The following PIGN variants were observed in gnomAD, a reference collection of about 807,000 sequenced individuals.
PIGN encodes the protein phosphatidylinositol glycan anchor biosynthesis class N.
PIGN carries 117 observed loss-of-function variants against 125.4 expected under a neutral mutation model. That is an observed-to-expected ratio of 0.93 (90% CI 0.80 to 1.09). PIGN has a LOEUF of 1.09. Among genes scored for constraint, PIGN ranks in the 50% least tolerant of loss-of-function variants. PIGN has a pLI of 0.00. For synonymous variants in PIGN, 392 were observed against 377.8 expected (o/e 1.04, Z -0.44); for missense variants, 1,075 against 1,094.9 (o/e 0.98, Z 0.26).
At chr18:62,153,397 G>A (rs1428158204) in intron 7 of PIGN, 1 of 152,118 alleles carries the variant, frequency 6.6e-6, no homozygotes, top group East Asian at 1.9e-4. Context: ...AAGACTAGTA[G>A]TGTTGAAATA....
intron 1 of PIGN, among the ~76,000 whole-genome samples, chr18:62,165,437 A>G (rs946496112): frequency 6.6e-6 from 1 of 152,240 alleles, no homozygotes; most frequent in African/African-American, 2.4e-5. Flanking sequence ...GTAAAGAGGT[A>G]AAAAATGACT....
At chr18:62,090,980 C>A (rs888404334) in intron 23 of PIGN, among the ~76,000 whole-genome samples, 3 of 151,970 alleles carry the variant, frequency 2.0e-5, no homozygotes, top group Non-Finnish European at 4.4e-5. Context: ...AACACAAACA[C>A]GAAAATTATG....
intron 6 of PIGN, among the ~76,000 whole-genome samples, chr18:62,156,308 A>G (rs1047922004): frequency 2.6e-5 from 4 of 152,288 alleles, no homozygotes; most frequent in African/African-American, 9.6e-5. Flanking sequence ...TTAAAACAGG[A>G]ATTATAACTA....
intron 23 of PIGN, among the ~76,000 whole-genome samples, chr18:62,031,702 AT>A (rs1032879166): frequency 2.0e-5 from 3 of 151,630 alleles, no homozygotes; most frequent in East Asian, 1.9e-4. Flanking sequence ...CTTTGGGACC[AT>A]TTTTTTTCTT....
At chr18:62,184,608 C>T (rs1247262275) in intron 1 of PIGN, 1 of 152,112 alleles carries the variant, frequency 6.6e-6, no homozygotes, top group Non-Finnish European at 1.5e-5. Context: ...GAAATAGAAG[C>T]AGAAAACCAC....
intron 7 of PIGN, among the ~76,000 whole-genome samples, chr18:62,151,634 T>G (rs2036539248): frequency 6.6e-6 from 1 of 152,194 alleles, no homozygotes; most frequent in Non-Finnish European, 1.5e-5. Flanking sequence ...ACACTGCACT[T>G]GACCTCGCTG....
chr18:62,063,153 A>G (rs1599428694), intron 30 of PIGN, among the ~76,000 whole-genome samples: 1 of 151,600 alleles, frequency 6.6e-6, no homozygotes, highest in South Asian at 2.1e-4. Context: ...AAAATGGACC[A>G]TATCAAAATA....
intron 14 of PIGN, among the ~76,000 whole-genome samples, chr18:62,131,785 C>T (rs2035749116): frequency 6.6e-6 from 1 of 151,878 alleles, no homozygotes; most frequent in Admixed American, 6.6e-5. Context: ...ATTTCATTAC[C>T]CTAGGAATTA....
intron 25 of PIGN, among the ~76,000 whole-genome samples, chr18:62,087,155 A>G (rs10503058): frequency 0.17 from 25,728 of 152,196 alleles, 2,934 homozygotes; most frequent in Middle Eastern, 0.28. Flanking sequence ...GGCACAATAA[A>G]AGAAGGTTAA....
At chr18:62,130,457 G>A (rs903481164) in intron 14 of PIGN, among the ~76,000 whole-genome samples, 1 of 151,844 alleles carries the variant, frequency 6.6e-6, no homozygotes, top group Non-Finnish European at 1.5e-5. Flanking sequence ...AATTTGTGAG[G>A]AAAAATTTCC....
intron 30 of PIGN, among the ~76,000 whole-genome samples, chr18:62,047,552 A>G (rs1383232655): frequency 1.3e-5 from 2 of 152,150 alleles, no homozygotes; most frequent in African/African-American, 4.8e-5. Context: ...GCAGTAGTGG[A>G]GGCCTTGCAG....
In PIGN at chr18:62,095,881, G is replaced by C. The variant is rs1173098029; in HGVS notation, c.2147C>G (p.Ser716Ter). The C allele has an allele frequency of 6.2e-7, 1 of 1,612,408 alleles. No individual in the cohort carries two copies. The highest frequency in any genetic ancestry group is 2.2e-5 in the East Asian group (1 of 44,830). Residue 716 changes from serine (S) to a stop codon, truncating the protein, a stop_gained, in exon 23 of 31, where the codon TCA (serine) becomes TGA (stop). Coordinates refer to ENST00000640252, the MANE Select transcript of PIGN (RefSeq NM_176787.5). LOFTEE classifies it high-confidence loss of function. Reference sequence around the variant, plus strand: ...TAGAAGTAGGTAGGTTGACATCAATGAAAGAAGTATGCTGAACAATCGCTG... The same window carrying C: ...TAGAAGTAGGTAGGTTGACATCAATCAAAGAAGTATGCTGAACAATCGCTG... Reference protein sequence around the residue: ...LFQRLFSILLSLMSTYLLLST... With the variant: ...LFQRLFSILL
In PIGN at chr18:62,147,102, C is replaced by A. The variant is rs766732875; in HGVS notation, c.675-1G>T. ...TTTTTTAATATTGTGCTTGTAGTCT[C>A]TATTTGTAAAGAAACAGAGGAACAA... On this transcript the variant is annotated splice_acceptor_variant, in intron 8 of 30. Transcript: ENST00000640252. LOFTEE classifies it high-confidence loss of function. The A allele has an allele frequency of 6.3e-7, 1 of 1,592,622 alleles. No homozygotes were observed. Among genetic ancestry groups the A allele is most frequent in the South Asian group, 1.1e-5 (1 of 88,076 alleles).
intron 23 of PIGN, among the ~76,000 whole-genome samples, chr18:62,093,468 G>A (rs2034054061): frequency 6.6e-6 from 1 of 152,016 alleles, no homozygotes; most frequent in Non-Finnish European, 1.5e-5. Flanking sequence ...TGCTGGTTTG[G>A]TCTCTGTGAA....
intron 30 of PIGN, among the ~76,000 whole-genome samples, chr18:62,071,339 C>T (rs1443651538): frequency 3.9e-5 from 6 of 152,136 alleles, no homozygotes; most frequent in Non-Finnish European, 8.8e-5. Context: ...TCTTCTGCTG[C>T]CCTTTAGTTC....
chr18:62,057,939 A>G (rs1372561170), intron 30 of PIGN, among the ~76,000 whole-genome samples: 12 of 152,194 alleles, frequency 7.9e-5, no homozygotes, highest in Admixed American at 7.9e-4. Context: ...GGACATAAAC[A>G]GGCACACTCT....
intron 14 of PIGN, among the ~76,000 whole-genome samples, chr18:62,121,249 C>A (rs944662897): frequency 6.6e-6 from 1 of 152,104 alleles, no homozygotes. Flanking sequence ...TCATTTTAGT[C>A]TTAGGAAAAG....
intron 16 of PIGN, 60 bp downstream of exon 16, chr18:62,113,074 C>T: frequency 2.4e-6 from 3 of 1,273,714 alleles, no homozygotes; most frequent in Non-Finnish European, 3.3e-6. Context: ...ACTCATTACA[C>T]TGGATTCAGT....
chr18:62,123,071 C>T (rs903672292), intron 14 of PIGN, among the ~76,000 whole-genome samples: 1 of 152,052 alleles, frequency 6.6e-6, no homozygotes, highest in East Asian at 1.9e-4. Context: ...GCCAGGAGCT[C>T]GAGACTAGCC....
Sources: allele counts gnomAD v4.1 joint callset (sites outside exome capture counted in the v4.1 genomes callset), GRCh38; gene constraint gnomAD v4.1.1; transcripts MANE v1.5; gene names NCBI Gene and HGNC (gene_info 2026-07-23, HGNC 2026-07-21).